Variants in PDE1C observed in about 807,000 individuals in gnomAD.
The protein encoded by PDE1C is dual specificity calcium/calmodulin-dependent 3',5'-cyclic nucleotide phosphodiesterase 1C.
Under a neutral mutation model 93.1 loss-of-function variants are expected in PDE1C, and 62 were observed. The ratio of observed to expected loss-of-function variants is 0.67; its 90% CI spans 0.54 to 0.82. The LOEUF (loss-of-function observed/expected upper bound fraction) is 0.82. PDE1C is among the 40% of genes least tolerant of loss of function. The probability of loss-of-function intolerance (pLI) is 0.00; values close to 1 mark genes in which losing one functional copy is unlikely to be tolerated. For synonymous variants in PDE1C, 325 were observed against 310.1 expected, an observed-to-expected ratio of 1.05 and a Z score of -0.50; for missense variants, 742 against 884.6, an observed-to-expected ratio of 0.84 and a Z score of 2.04.
chr7:31,966,615 G>C (rs570845080), intron 2 of PDE1C, among the ~76,000 whole-genome samples: 28 of 152,166 alleles, frequency 1.8e-4, no homozygotes, highest in Non-Finnish European at 3.4e-4. Context: ...AGACCTAATA[G>C]ACATCTACAG....
chr7:31,814,511 T>C (rs927837193), intron 15 of PDE1C, among the ~76,000 whole-genome samples: 20 of 151,860 alleles, frequency 1.3e-4, no homozygotes, highest in African/African-American at 4.4e-4. Context: ...AAAATATTGT[T>C]CTCTGATTAC....
At position 32,363,275 on chromosome 7, in the gene PDE1C, A is replaced by G. The variant is rs140117182; in HGVS notation, c.310+64547T>C. On this transcript the variant is annotated intron_variant, in intron 1 of 1. Transcript: ENST00000672256. Reference sequence around the variant, plus strand: ...TAAGTGTAAGTTATTTAACCCCATAAGGTAAGTTTCATTATTAGCCCCATT... The same window carrying G: ...TAAGTGTAAGTTATTTAACCCCATAGGGTAAGTTTCATTATTAGCCCCATT... 6.5e-4 allele frequency among the ~76,000 whole-genome samples: 99 copies of G among 152,338 alleles called. 2 individuals carry two copies. In the East Asian group the frequency reaches 0.015, roughly 23 times the overall value.
At chr7:32,183,920 T>A (rs1219495738) in intron 2 of PDE1C, among the ~76,000 whole-genome samples, 1 of 151,954 alleles carries the variant, frequency 6.6e-6, no homozygotes, top group Non-Finnish European at 1.5e-5. Context: ...AGGGCTAATA[T>A]CCAGAATCTA....
chr7:32,112,885 G>A (rs1471908920), intron 3 of PDE1C, among the ~76,000 whole-genome samples: 1 of 140,774 alleles, frequency 7.1e-6, no homozygotes, highest in Non-Finnish European at 1.5e-5. Flanking sequence ...TCAAACTCCT[G>A]CCTGCTTCTT....
chr7:31,689,045 G>T, the PDE1C span, among the ~76,000 whole-genome samples: 1 of 152,152 alleles, frequency 6.6e-6, no homozygotes, highest in Non-Finnish European at 1.5e-5. Context: ...AGAAATAATG[G>T]ATGTGACTGC....
intron 3 of PDE1C, among the ~76,000 whole-genome samples, chr7:32,078,506 TGGAAA>T (rs1170813355): frequency 6.6e-6 from 1 of 152,018 alleles, no homozygotes; most frequent in African/African-American, 2.4e-5. Flanking sequence ...TCCAGGAAAG[TGGAAA>T]GGTCCACAGC....
chr7:32,089,386 T>C (rs1797326603), intron 3 of PDE1C, among the ~76,000 whole-genome samples: 1 of 152,180 alleles, frequency 6.6e-6, no homozygotes, highest in Admixed American at 6.5e-5. Context: ...TATTTTGGTG[T>C]GAGTTGAGAG....
intron 3 of PDE1C, among the ~76,000 whole-genome samples, chr7:32,163,825 G>A (rs1802060371): frequency 6.6e-6 from 1 of 152,132 alleles, no homozygotes; most frequent in African/African-American, 2.4e-5. Context: ...GGGGCCCACT[G>A]CATAATCCAG....
chr7:31,831,409 T>C (rs1204423202), intron 11 of PDE1C, among the ~76,000 whole-genome samples: 1 of 151,896 alleles, frequency 6.6e-6, no homozygotes, highest in Non-Finnish European at 1.5e-5. Flanking sequence ...TAAGGCAAGA[T>C]GCCAAGAGGC....
intron 1 of PDE1C, among the ~76,000 whole-genome samples, chr7:32,381,955 T>G (rs982428985): frequency 6.6e-5 from 10 of 152,288 alleles, no homozygotes; most frequent in Middle Eastern, 3.4e-3. Flanking sequence ...CATGACCATA[T>G]GCCAAGCACT....
At chr7:31,669,692 T>G in the PDE1C span, among the ~76,000 whole-genome samples, 1 of 152,180 alleles carries the variant, frequency 6.6e-6, no homozygotes, top group East Asian at 1.9e-4. Context: ...GTTATTTGCT[T>G]TGTGCAAACT....
chr7:32,358,452 C>A (rs576250667), intron 1 of PDE1C, among the ~76,000 whole-genome samples: 6 of 152,156 alleles, frequency 3.9e-5, no homozygotes, highest in Non-Finnish European at 8.8e-5. Flanking sequence ...TAATATAGAC[C>A]ACAGCTCCTT....
At chr7:31,665,699 A>G in the PDE1C span, among the ~76,000 whole-genome samples, 3 of 152,166 alleles carry the variant, frequency 2.0e-5, no homozygotes, top group African/African-American at 7.2e-5. Flanking sequence ...CTGGGCATCC[A>G]GTCATACTTC....
upstream of PDE1C, among the ~76,000 whole-genome samples, chr7:32,075,744 A>G (rs981966067): frequency 1.3e-5 from 2 of 152,182 alleles, no homozygotes; most frequent in African/African-American, 4.8e-5. Flanking sequence ...TAGAAGAGAT[A>G]GGGCAGCTCA....
At chr7:32,186,234 C>G (rs554764767) in intron 2 of PDE1C, among the ~76,000 whole-genome samples, 226 of 152,058 alleles carry the variant, frequency 1.5e-3, no homozygotes, top group Non-Finnish European at 3.0e-3. Context: ...TCCCGAGTAG[C>G]TGGGACTACA....
chr7:31,931,055 A>G (rs1293869886), intron 2 of PDE1C, among the ~76,000 whole-genome samples: 1 of 152,058 alleles, frequency 6.6e-6, no homozygotes, highest in African/African-American at 2.4e-5. Flanking sequence ...TGCTAAAAGC[A>G]CTCAACAAAC....
At chr7:32,340,476 G>A (rs988999377) in intron 1 of PDE1C, among the ~76,000 whole-genome samples, 2 of 152,126 alleles carry the variant, frequency 1.3e-5, no homozygotes, top group Non-Finnish European at 2.9e-5. Flanking sequence ...GTAGATAAAG[G>A]TGGAGTGGAA....
intron 3 of PDE1C, among the ~76,000 whole-genome samples, chr7:32,138,541 G>A (rs1800333858): frequency 6.6e-6 from 1 of 152,102 alleles, no homozygotes; most frequent in Admixed American, 6.6e-5. Flanking sequence ...TAATGAAGGT[G>A]TTAGCAGCTG....
At chr7:32,114,224 C>T (rs1798854282) in intron 3 of PDE1C, among the ~76,000 whole-genome samples, 1 of 152,142 alleles carries the variant, frequency 6.6e-6, no homozygotes, top group Non-Finnish European at 1.5e-5. Context: ...TCAAACTATA[C>T]TACAAGGCTA....
Sources: allele counts gnomAD v4.1 joint callset (sites outside exome capture counted in the v4.1 genomes callset), GRCh38; gene constraint gnomAD v4.1.1; transcripts MANE v1.5; gene names NCBI Gene and HGNC (gene_info 2026-07-23, HGNC 2026-07-21).